Variants in ATG7 observed in about 807,000 individuals in gnomAD.
ATG7 encodes ubiquitin-like modifier-activating enzyme ATG7.
In ATG7, 70 loss-of-function variants were observed where a neutral mutation model predicts 82.4. The ratio of observed to expected loss-of-function variants is 0.85; its 90% CI spans 0.70 to 1.04. ATG7 has a LOEUF of 1.04. Ranked by LOEUF, ATG7 falls within the 50% of genes least tolerant of loss-of-function variation. The probability of loss-of-function intolerance (pLI) is 0.00; values close to 1 mark genes in which losing one functional copy is unlikely to be tolerated. For missense variants in ATG7, 792 were observed against 864.3 expected (o/e 0.92, Z 1.05); for synonymous variants, 287 against 313.0 (o/e 0.92, Z 0.88).
At chr3:11,558,915 G>C, downstream of ATG7, 1 of 1,476,074 alleles carries the variant, frequency 6.8e-7, no homozygotes. Flanking sequence ...AGGCAGCCCA[G>C]AGCCGGACTG....
chr3:11,405,686 G>A (rs1212614059), intron 19 of ATG7, among the ~76,000 whole-genome samples: 3 of 152,090 alleles, frequency 2.0e-5, no homozygotes, highest in Non-Finnish European at 4.4e-5. Context: ...GGAGTGCAGT[G>A]TTGTGATCAT....
At chr3:11,519,604 G>A (rs1366232748) in intron 20 of ATG7, among the ~76,000 whole-genome samples, 1 of 125,806 alleles carries the variant, frequency 7.9e-6, no homozygotes, top group African/African-American at 3.0e-5. Flanking sequence ...CTGTCGCCCA[G>A]GCTGGAGTGC....
chr3:11,569,896 G>T, the ATG7 span, among the ~76,000 whole-genome samples: 2 of 152,144 alleles, frequency 1.3e-5, no homozygotes, highest in Admixed American at 6.5e-5. Flanking sequence ...AAATAAGATT[G>T]CTAGCACATC....
At chr3:11,453,062 G>T (rs1286899733) in intron 20 of ATG7, among the ~76,000 whole-genome samples, 1 of 152,174 alleles carries the variant, frequency 6.6e-6, no homozygotes, top group African/African-American at 2.4e-5. Flanking sequence ...TTCTTACCAA[G>T]CCTGGAGAAT....
intron 9 of ATG7, 120 bp from the exon 10 acceptor site, chr3:11,331,220 A>T (rs1575495215): frequency 2.5e-6 from 2 of 794,022 alleles, no homozygotes; most frequent in African/African-American, 4.1e-5. Context: ...CCTTTACCAG[A>T]TGTTTAATTT....
At chr3:11,426,609 A>G (rs1208068255) in intron 19 of ATG7, among the ~76,000 whole-genome samples, 195 bp from the exon 20 acceptor site, 2 of 152,170 alleles carry the variant, frequency 1.3e-5, no homozygotes, top group African/African-American at 4.8e-5. Flanking sequence ...AGATAATGTT[A>G]TTGTTATTCT....
At chr3:11,521,752 CTG>C (rs2092448894) in intron 20 of ATG7, among the ~76,000 whole-genome samples, 1 of 151,980 alleles carries the variant, frequency 6.6e-6, no homozygotes, top group Non-Finnish European at 1.5e-5. Context: ...CGGGGTTTCA[CTG>C]TGTTAGCCAG....
chr3:11,366,733 C>G (rs576240134), intron 18 of ATG7, among the ~76,000 whole-genome samples: 2 of 151,870 alleles, frequency 1.3e-5, no homozygotes, highest in Non-Finnish European at 2.9e-5. Context: ...AAAACAGTCT[C>G]TTTATAGAAG....
intron 18 of ATG7, among the ~76,000 whole-genome samples, chr3:11,371,534 G>A (rs1234223430): frequency 2.0e-5 from 3 of 150,970 alleles, no homozygotes; most frequent in East Asian, 1.9e-4. Context: ...GATTTGAGTC[G>A]TTTGGTCTTA....
At position 11,358,521 on chromosome 3, in the gene ATG7, A is replaced by C. The variant is rs769494253; in HGVS notation, c.1388A>C (p.Gln463Pro). 3 of 1,614,150 alleles carry C rather than the reference A, an allele frequency of 1.9e-6. No individual in the cohort carries two copies. Among genetic ancestry groups the C allele is most frequent in the Non-Finnish European group, 2.5e-6 (3 of 1,179,984 alleles). ...QARRDVEQLE[Q>P]LIESHDVVFL... ...CGCAGAGATGTGGAGCAACTGGAGC[A>C]GCTCATCGAAAGCCATGATGTCGTC... The change falls in exon 15 of 21, where the codon CAG becomes CCG. Residue 463 changes from glutamine (Q) to proline (P), a missense_variant. Gln to Pro is a moderately conservative substitution (Grantham distance 76, BLOSUM62 -1). Coordinates refer to ENST00000693202, the MANE Select transcript of ATG7 (RefSeq NM_001349232.2).
intron 17 of ATG7, 123 bp downstream of exon 17, chr3:11,363,051 AAAAC>A: frequency 1.2e-6 from 1 of 848,660 alleles, no homozygotes; most frequent in East Asian, 2.8e-5. Flanking sequence ...CACCCTCAAA[AAAAC>A]AAGACTAGAA....
At chr3:11,357,886 G>A (rs893597264) in intron 14 of ATG7, among the ~76,000 whole-genome samples, 3 of 151,908 alleles carry the variant, frequency 2.0e-5, no homozygotes. Flanking sequence ...ACGTGTGCCT[G>A]TAGTCCCAGC....
intron 19 of ATG7, among the ~76,000 whole-genome samples, chr3:11,412,180 A>G (rs1198036260): frequency 1.3e-5 from 2 of 152,038 alleles, no homozygotes; most frequent in Non-Finnish European, 2.9e-5. Context: ...AGGAAACATA[A>G]CAATATGTAA....
chr3:11,405,430 G>A (rs1024824378), intron 19 of ATG7, among the ~76,000 whole-genome samples: 2 of 152,022 alleles, frequency 1.3e-5, no homozygotes, highest in Non-Finnish European at 2.9e-5. Context: ...CCAAGATTCA[G>A]TTTTTCTTGA....
intron 13 of ATG7, among the ~76,000 whole-genome samples, chr3:11,344,106 A>G (rs982148307): frequency 2.0e-5 from 3 of 151,894 alleles, no homozygotes; most frequent in African/African-American, 4.8e-5. Context: ...CCAGTTGACT[A>G]TTACTGGGAT....
chr3:11,307,020 C>T lies in ATG7; in HGVS notation c.293C>T (p.Thr98Ile), dbSNP rs766570966. ...YNTNTLESFK[T>I]ADKKLLLEQA... ...ACCAACACACTCGAGTCTTTCAAGA[C>T]TGCAGATAAGAAGCTCCTTTTGGAA... The change falls in exon 6 of 21, where the codon ACT (threonine) becomes ATT (isoleucine). Residue 98 changes from threonine to isoleucine, a missense_variant. Coordinates refer to ENST00000693202, the MANE Select transcript of ATG7 (RefSeq NM_001349232.2). 4.3e-6 allele frequency: 7 copies of T among 1,613,974 alleles called. No individual in the cohort carries two copies. The highest frequency in any genetic ancestry group is 5.9e-6 in the Non-Finnish European group (7 of 1,180,006).
intron 19 of ATG7, among the ~76,000 whole-genome samples, chr3:11,398,615 G>C (rs35578145): frequency 0.18 from 27,875 of 152,112 alleles, 3,104 homozygotes; most frequent in South Asian, 0.35. Context: ...CACTTTGGGG[G>C]GTCAAGGCAG....
At chr3:11,517,596 A>AG (rs1240471460) in intron 20 of ATG7, among the ~76,000 whole-genome samples, 1 of 152,146 alleles carries the variant, frequency 6.6e-6, no homozygotes, top group Non-Finnish European at 1.5e-5. Flanking sequence ...AAGCCAGAGG[A>AG]GGGTACTGCC....
At chr3:11,504,711 A>G (rs1238308262) in intron 20 of ATG7, among the ~76,000 whole-genome samples, 2 of 152,266 alleles carry the variant, frequency 1.3e-5, no homozygotes, top group Non-Finnish European at 1.5e-5. Context: ...GAGACAAAGT[A>G]GAACAACAGA....
Sources: allele counts gnomAD v4.1 joint callset (sites outside exome capture counted in the v4.1 genomes callset), GRCh38; gene constraint gnomAD v4.1.1; transcripts MANE v1.5; gene names NCBI Gene and HGNC (gene_info 2026-07-23, HGNC 2026-07-21).